EVI5: variants seen among roughly 807,000 people sequenced by gnomAD.
EVI5 encodes the protein ecotropic viral integration site 5, also known as ecotropic viral integration site 5 protein homolog.
Under a neutral mutation model 112.0 loss-of-function variants are expected in EVI5, and 73 were observed. That is an observed-to-expected ratio of 0.65 (90% CI 0.54 to 0.79). EVI5 has a LOEUF of 0.79. Among genes scored for constraint, EVI5 ranks in the 30% least tolerant of loss-of-function variants. EVI5 has a pLI of 0.00. For missense variants in EVI5, 900 were observed against 968.8 expected, an observed-to-expected ratio of 0.93 and a Z score of 0.94; for synonymous variants, 305 against 319.9, an observed-to-expected ratio of 0.95 and a Z score of 0.50.
At chr1:92,747,833 G>C (rs1289841442) in intron 1 of EVI5, among the ~76,000 whole-genome samples, 1 of 151,784 alleles carries the variant, frequency 6.6e-6, no homozygotes, top group Non-Finnish European at 1.5e-5. Context: ...CTTGTAGGGA[G>C]AATCTTCCCT....
intron 18 of EVI5, among the ~76,000 whole-genome samples, chr1:92,566,313 G>GT (rs948948679): frequency 6.6e-6 from 1 of 152,150 alleles, no homozygotes; most frequent in Non-Finnish European, 1.5e-5. Flanking sequence ...ACATAATGAT[G>GT]TTTTGGTCAA....
At chr1:92,669,547 C>CAAAAATAAAAAAAAAAAAAAAA (rs1665497139) in intron 10 of EVI5, among the ~76,000 whole-genome samples, 1 of 51,810 alleles carries the variant, frequency 1.9e-5, no homozygotes, top group Non-Finnish European at 3.2e-5. Flanking sequence ...GGCTCTGTCT[C>CAAAAATAAAAAAAAAAAAAAAA]AAAAAAAAAA....
At chr1:92,549,882 C>T (rs1457944805) in intron 19 of EVI5, among the ~76,000 whole-genome samples, 2 of 152,158 alleles carry the variant, frequency 1.3e-5, no homozygotes, top group East Asian at 3.9e-4. Flanking sequence ...GAAATAGGAA[C>T]ACTTTTACAC....
intron 19 of EVI5, among the ~76,000 whole-genome samples, chr1:92,535,586 A>C (rs2184193): frequency 0.85 from 129,348 of 152,148 alleles, 55,339 homozygotes; most frequent in East Asian, 0.97. Context: ...CCATAAAAAA[A>C]AATGAGTTCA....
intron 14 of EVI5, among the ~76,000 whole-genome samples, chr1:92,629,685 C>CT (rs753043838): frequency 6.6e-6 from 1 of 151,410 alleles, no homozygotes; most frequent in African/African-American, 2.4e-5. Context: ...TTTTATTATA[C>CT]TTTAAGTTTT....
intron 18 of EVI5, among the ~76,000 whole-genome samples, chr1:92,584,751 GA>G (rs1279660084): frequency 6.6e-6 from 1 of 152,150 alleles, no homozygotes; most frequent in East Asian, 1.9e-4. Context: ...TTAGTAATTA[GA>G]AAAAGTAAAA....
At chr1:92,733,091 G>T in intron 2 of EVI5, 1 of 219,780 alleles carries the variant, frequency 4.5e-6, no homozygotes, top group South Asian at 8.0e-5. Context: ...TAACAGCTAA[G>T]AAATTAAGGT....
intron 13 of EVI5, among the ~76,000 whole-genome samples, chr1:92,652,330 A>G (rs2102061674): frequency 6.6e-6 from 1 of 152,320 alleles, no homozygotes; most frequent in South Asian, 2.1e-4. Flanking sequence ...AACAGAGGTT[A>G]CCGGAGGCTG....
chr1:92,676,720 GAAA>G (rs1444320950), intron 10 of EVI5, among the ~76,000 whole-genome samples: 1 of 152,152 alleles, frequency 6.6e-6, no homozygotes, highest in Non-Finnish European at 1.5e-5. Flanking sequence ...GCTTAGAGAA[GAAA>G]AAGTCGTATC....
At chr1:92,700,121 T>G (rs116107496) in intron 5 of EVI5, among the ~76,000 whole-genome samples, 753 of 152,260 alleles carry the variant, frequency 4.9e-3, no homozygotes, top group African/African-American at 0.017. Flanking sequence ...CACCAAGTTG[T>G]TTTATAGTCA....
At chr1:92,744,598 TCTCACACACACACACACA>T (rs1553263747) in intron 1 of EVI5, among the ~76,000 whole-genome samples, 6 of 58,524 alleles carry the variant, frequency 1.0e-4, no homozygotes, top group African/African-American at 2.7e-4. Context: ...TCTCTCTCTC[TCTCACACACACACACACA>T]CACACACACA....
intron 18 of EVI5, among the ~76,000 whole-genome samples, chr1:92,591,106 G>A (rs1175790548): frequency 1.3e-5 from 2 of 152,192 alleles, no homozygotes; most frequent in African/African-American, 4.8e-5. Context: ...AAGAGCTCCT[G>A]AAGGAAGCAC....
intron 19 of EVI5, among the ~76,000 whole-genome samples, chr1:92,557,500 T>C (rs911414594): frequency 1.8e-4 from 27 of 152,078 alleles, no homozygotes; most frequent in African/African-American, 6.5e-4. Context: ...GGTTTAGCCA[T>C]GTTGGCCAGG....
intron 10 of EVI5, among the ~76,000 whole-genome samples, chr1:92,674,320 T>C (rs1377399586): frequency 6.6e-6 from 1 of 151,816 alleles, no homozygotes; most frequent in African/African-American, 2.4e-5. Context: ...ATAAAGAAAA[T>C]GTAGCACATA....
Position 92,703,425 on chromosome 1 carries a change from A to G in EVI5, c.534T>C (p.Leu178=), listed in dbSNP as rs1570459609. The change falls in exon 4 of 20, where the codon CTT becomes CTC. Residue 178 remains leucine, a synonymous_variant. Transcript: ENST00000684568. ...EHNFFKEKDS[L]GQEVLFNVMK... is the part of the protein sequence containing the mutation. Reference sequence around the variant, plus strand: ...TTACATTAAATAAAACCTCCTGTCCAAGGCTATCTTTTTCCTTAAAAAAGT... The same window carrying G: ...TTACATTAAATAAAACCTCCTGTCCGAGGCTATCTTTTTCCTTAAAAAAGT... The G allele has an allele frequency of 1.3e-6, 2 of 1,582,358 alleles. No individual in the cohort carries two copies. The highest frequency in any genetic ancestry group is 4.6e-5 in the East Asian group (2 of 43,896).
chr1:92,522,160 C>T (rs1313208970), intron 19 of EVI5, among the ~76,000 whole-genome samples: 2 of 152,170 alleles, frequency 1.3e-5, no homozygotes, highest in Non-Finnish European at 2.9e-5. Context: ...ATTTAGCTTT[C>T]CATCTCCTCA....
At chr1:92,599,686 G>C (rs1648701594) in intron 18 of EVI5, among the ~76,000 whole-genome samples, 3 of 152,156 alleles carry the variant, frequency 2.0e-5, no homozygotes, top group Admixed American at 2.0e-4. Context: ...AAGTAGAGGA[G>C]TAAGAAGTTC....
At chr1:92,741,434 C>T (rs115885410) in intron 1 of EVI5, among the ~76,000 whole-genome samples, 2,888 of 152,216 alleles carry the variant, frequency 0.019, 108 homozygotes, top group African/African-American at 0.065. Flanking sequence ...ACCACAATGA[C>T]CTTTATTTTT....
chr1:92,592,712 A>G (rs567694160), intron 18 of EVI5, among the ~76,000 whole-genome samples: 82 of 152,330 alleles, frequency 5.4e-4, no homozygotes, highest in Non-Finnish European at 9.0e-4. Flanking sequence ...AATCAAATAG[A>G]TGCAATACAA....
Sources: gnomAD v4.1 joint callset for allele counts (sites outside exome capture counted in the v4.1 genomes callset) on GRCh38, gnomAD v4.1.1 for gene constraint, MANE v1.5 for transcripts, NCBI Gene and HGNC (gene_info 2026-07-23, HGNC 2026-07-21) for gene names.